The following UPF2 variants were observed in gnomAD, a reference collection of about 807,000 sequenced individuals.
UPF2 encodes regulator of nonsense transcripts 2.
In UPF2, 17 loss-of-function variants were observed where a neutral mutation model predicts 141.4. The observed-to-expected ratio is 0.12, with a 90% CI of 0.08 to 0.18. The LOEUF (loss-of-function observed/expected upper bound fraction) is 0.18. Ranked by LOEUF, UPF2 falls within the 10% of genes least tolerant of loss-of-function variation. The pLI is 1.00. For missense variants in UPF2, 1,152 were observed against 1,515.9 expected (o/e 0.76, Z 3.99); for synonymous variants, 540 against 498.0 (o/e 1.08, Z -1.12).
chr10:11,941,713 G>C (rs1344710248), intron 18 of UPF2, among the ~76,000 whole-genome samples: 1 of 152,100 alleles, frequency 6.6e-6, no homozygotes, highest in East Asian at 1.9e-4. Context: ...CACCCCAGTG[G>C]GGCCTGCATC....
intron 8 of UPF2, among the ~76,000 whole-genome samples, chr10:11,982,329 G>A (rs1289989068): frequency 2.6e-5 from 4 of 152,124 alleles, no homozygotes; most frequent in African/African-American, 9.7e-5. Context: ...TGGGAGTGAG[G>A]AGACCCAGGT....
At chr10:11,938,853 G>GCTTTTTTTTT (rs1832889411) in intron 18 of UPF2, among the ~76,000 whole-genome samples, 1 of 79,816 alleles carries the variant, frequency 1.3e-5, no homozygotes, top group Admixed American at 1.7e-4. Context: ...TTTTTTTTTT[G>GCTTTTTTTTT]TTTTTTTTTT....
intron 3 of UPF2, among the ~76,000 whole-genome samples, chr10:12,018,814 A>G (rs1472280471): frequency 6.6e-6 from 1 of 152,188 alleles, no homozygotes; most frequent in African/African-American, 2.4e-5. Flanking sequence ...GAAATTAAAC[A>G]TGTTTAAATG....
In UPF2 at chr10:11,943,578, G is replaced by A. The variant is rs149926644; in HGVS notation, c.3175-410C>T. 1.6e-3 allele frequency among the ~76,000 whole-genome samples: 240 copies of A among 152,322 alleles called. 1 individual carries two copies. Among genetic ancestry groups the A allele is most frequent in the African/African-American group, 5.3e-3 (219 of 41,578 alleles). On this transcript the variant is annotated intron_variant, in intron 16 of 21. Coordinates refer to ENST00000357604, the MANE Select transcript of UPF2 (RefSeq NM_015542.4). ...GTAACAGCATTACCAGCTGAAAGCA[G>A]TGATACAGCATTACCTTTTACAAAG...
At position 12,007,060 on chromosome 10, in the gene UPF2, C is replaced by G. The variant is rs1004407911; in HGVS notation, c.1307-2333G>C. Among the ~76,000 whole-genome samples the G allele has an allele frequency of 2.0e-4, 30 of 152,106 alleles. 1 individual carries two copies. The highest frequency in any genetic ancestry group is 4.4e-5 in the Non-Finnish European group (3 of 68,022). On this transcript the variant is annotated intron_variant, in intron 4 of 21. Coordinates refer to ENST00000357604, the MANE Select transcript of UPF2 (RefSeq NM_015542.4). ...ACAAGTTTCTGTTGTTCATAAGTTG[C>G]CCGGTCTAGGGTATTTTGTTACAGC... is the stretch of plus-strand genomic sequence containing the variant.
intron 9 of UPF2, among the ~76,000 whole-genome samples, chr10:11,971,341 G>A (rs575355163): frequency 4.7e-5 from 7 of 150,214 alleles, no homozygotes; most frequent in East Asian, 3.9e-4. Flanking sequence ...CGCAACCTCC[G>A]CCTCCCGGGT....
In UPF2 at chr10:11,970,030, G is replaced by A. The variant is rs146291194; in HGVS notation, c.1954-2576C>T. Reference sequence around the variant, plus strand: ...AAAGCTAAAGCTTAATATACATATTGCAGTGACGTGAAAGAGCAAAAGTTC... The same window carrying A: ...AAAGCTAAAGCTTAATATACATATTACAGTGACGTGAAAGAGCAAAAGTTC... On this transcript the variant is annotated intron_variant, in intron 9 of 21. Coordinates refer to ENST00000357604, the MANE Select transcript of UPF2 (RefSeq NM_015542.4). 1.4e-4 allele frequency among the ~76,000 whole-genome samples: 22 copies of A among 152,236 alleles called. No homozygotes were observed. In the East Asian group the frequency reaches 4.1e-3, roughly 28 times the overall value.
In UPF2 at chr10:11,921,188, C is replaced by G; in HGVS notation, c.*110G>C. On this transcript the variant is annotated 3_prime_UTR_variant, in exon 22 of 22. Transcript: ENST00000357604. This position sits in a 1 kb window ranked among gnomAD's most constrained non-coding sequence, Gnocchi z 5.9. The stretch of plus-strand genomic sequence containing the variant: ...CTGTCCCAGGTTTAGATTCGCAACT[C>G]TCTAGACCGACCTGCTGAGATGTGT... 1 of 1,497,206 alleles carries G rather than the reference C, an allele frequency of 6.7e-7. No homozygotes were observed. Among genetic ancestry groups the G allele is most frequent in the Non-Finnish European group, 9.3e-7 (1 of 1,073,566 alleles). 92.7% of individuals were successfully genotyped at this position (1,497,206 alleles called of 1,614,324 possible). A position where few individuals can be genotyped will look rare whatever the true frequency, so the allele number is the denominator to read the frequency against.
chr10:11,928,750 G>C, intron 21 of UPF2: 1 of 325,718 alleles, frequency 3.1e-6, no homozygotes, highest in Non-Finnish European at 6.0e-6. Flanking sequence ...GGTCTTATTA[G>C]GGAACATCTT....
chr10:11,927,841 G>C (rs1832731718), intron 21 of UPF2, among the ~76,000 whole-genome samples: 1 of 152,144 alleles, frequency 6.6e-6, no homozygotes, highest in African/African-American at 2.4e-5. Flanking sequence ...CAGAACACAT[G>C]AATATGTTCA....
Position 12,004,732 on chromosome 10 carries a change from A to C in UPF2, c.1307-5T>G. 1.2e-6 allele frequency: 2 copies of C among 1,608,044 alleles called. No individual in the cohort carries two copies. The highest frequency in any genetic ancestry group is 1.7e-4 in the Middle Eastern group (1 of 6,038). ...TATCAATTCCAGGCCCATGTTCTACAATAAAATAAATCACAAGTAATTAAC... is the reference window on the plus strand; with the variant it reads ...TATCAATTCCAGGCCCATGTTCTACCATAAAATAAATCACAAGTAATTAAC... On this transcript the variant is annotated splice_polypyrimidine_tract_variant and splice_region_variant and intron_variant, in intron 4 of 21. Transcript: ENST00000357604.
chr10:11,938,861 T>TG (rs1832893292), intron 18 of UPF2, among the ~76,000 whole-genome samples: 37 of 72,990 alleles, frequency 5.1e-4, no homozygotes, highest in African/African-American at 1.6e-3. Context: ...TTGTTTTTTT[T>TG]TTTTTTTTTT....
In UPF2 at chr10:11,978,970, T is replaced by C. The variant is rs1176172478; in HGVS notation, c.1953+87A>G. Reference sequence around the variant, plus strand: ...TTATACCACTATCAAATTTCAAGAATATGCTTACCAACAATTACATTCTTA... The same window carrying C: ...TTATACCACTATCAAATTTCAAGAACATGCTTACCAACAATTACATTCTTA... On this transcript the variant is annotated intron_variant, in intron 9 of 21. Transcript: ENST00000357604. 6 of 1,115,196 alleles carry C rather than the reference T, an allele frequency of 5.4e-6. No homozygotes were observed. The African/African-American group carries it at 9.4e-5, about 18-fold the overall frequency. 69.1% of individuals were successfully genotyped at this position (1,115,196 alleles called of 1,614,324 possible).
chr10:11,978,777 C>A (rs189804854), intron 9 of UPF2, among the ~76,000 whole-genome samples: 5 of 152,132 alleles, frequency 3.3e-5, no homozygotes, highest in Admixed American at 6.6e-5. Context: ...GCTGTCTTGA[C>A]CCTGGAGAAT....
At chr10:11,976,922 C>A (rs1833514408) in intron 9 of UPF2, among the ~76,000 whole-genome samples, 1 of 152,056 alleles carries the variant, frequency 6.6e-6, no homozygotes. Flanking sequence ...AGTTATGAAC[C>A]CCACCTGGTA....
intron 3 of UPF2, among the ~76,000 whole-genome samples, chr10:12,018,046 A>G (rs559116314): frequency 6.6e-6 from 1 of 152,330 alleles, no homozygotes; most frequent in South Asian, 2.1e-4. Context: ...CCTTTCTTTG[A>G]CATCTAAGTA....
Position 12,029,131 on chromosome 10 carries a change from C to T in UPF2, c.759G>A (p.Glu253=). ...VWKKHFEARK[E]EKTPNITKLR... is the part of the protein sequence containing the mutation. ...ACTTGGTGATGTTAGGTGTTTTCTC[C>T]TCTTTCCTTGCTTCAAAATGTTTTT... Residue 253 remains glutamate, a synonymous_variant, in exon 3 of 22, where the codon GAG becomes GAA. Coordinates refer to ENST00000357604, the MANE Select transcript of UPF2 (RefSeq NM_015542.4). 2 of 1,614,208 alleles carry T rather than the reference C, an allele frequency of 1.2e-6. No homozygotes were observed. Among genetic ancestry groups the T allele is most frequent in the Non-Finnish European group, 1.7e-6 (2 of 1,180,048 alleles).
Position 11,955,374 on chromosome 10 carries a change from G to C in UPF2, c.2708C>G (p.Pro903Arg), listed in dbSNP as rs761249587. The stretch of plus-strand genomic sequence containing the variant: ...GTCCAGGGAACTTGGAGAGCCATCA[G>C]GATTAACACCAAATGAGGTAAAAGA... ...LYSFTSFGVN[P>R]DGSPSSLDPP... Residue 903 changes from proline to arginine, a missense_variant, in exon 14 of 22, where the codon CCT becomes CGT. Pro to Arg is a moderately radical substitution (Grantham distance 103). Around this residue, in one of 4 missense-constraint regions of UPF2, gnomAD observed 739 missense variants for 1,032.2 expected, o/e 0.72. Transcript: ENST00000357604. The C allele has an allele frequency of 1.2e-6, 2 of 1,614,140 alleles. No individual in the cohort carries two copies. Among genetic ancestry groups the C allele is most frequent in the East Asian group, 2.2e-5 (1 of 44,872 alleles).
intron 21 of UPF2, among the ~76,000 whole-genome samples, chr10:11,926,604 A>G (rs1478550014): frequency 1.3e-5 from 2 of 152,234 alleles, no homozygotes; most frequent in African/African-American, 4.8e-5. Flanking sequence ...AGGGCCTACA[A>G]TGCAAAGTGC....
Sources: gnomAD v4.1 joint callset for allele counts (sites outside exome capture counted in the v4.1 genomes callset) on GRCh38, gnomAD v4.1.1 for gene constraint, gnomAD v4.1.1 regional missense constraint, Gnocchi (gnomAD v3.1) non-coding constraint, MANE v1.5 for transcripts, NCBI Gene and HGNC (gene_info 2026-07-23, HGNC 2026-07-21) for gene names.